STARD13: variants seen among roughly 807,000 people sequenced by gnomAD.
STARD13 encodes stAR-related lipid transfer protein 13.
A neutral mutation model predicts 106.4 loss-of-function variants in STARD13; 62 were observed. That is an observed-to-expected ratio of 0.58 (90% CI 0.48 to 0.72). STARD13 has a LOEUF of 0.72. Among genes scored for constraint, STARD13 ranks in the 30% least tolerant of loss-of-function variants. The pLI, the probability that STARD13 is intolerant of heterozygous loss-of-function variation, is 0.00. For missense variants in STARD13, 1,387 were observed against 1,424.0 expected (o/e 0.97, Z 0.42); for synonymous variants, 565 against 553.0 (o/e 1.02, Z -0.31).
chr13:33,488,111 C>T, the STARD13 span, among the ~76,000 whole-genome samples: 20 of 152,186 alleles, frequency 1.3e-4, no homozygotes, highest in African/African-American at 4.6e-4. Flanking sequence ...TCTTCCTCTG[C>T]CTCTCCCTTA....
the STARD13 span, among the ~76,000 whole-genome samples, chr13:33,589,464 C>T: frequency 6.6e-6 from 1 of 152,202 alleles, no homozygotes; most frequent in East Asian, 1.9e-4. Context: ...CTACACACTG[C>T]TTTAAATGTG....
At chr13:33,459,159 T>G in the STARD13 span, among the ~76,000 whole-genome samples, 1 of 152,194 alleles carries the variant, frequency 6.6e-6, no homozygotes, top group Admixed American at 6.5e-5. Context: ...TATGATGTAC[T>G]ATATCCATGA....
the STARD13 span, among the ~76,000 whole-genome samples, chr13:33,447,106 T>A: frequency 6.6e-6 from 1 of 152,196 alleles, no homozygotes; most frequent in Non-Finnish European, 1.5e-5. Flanking sequence ...GATTATAGAC[T>A]TTTTCTGGAT....
chr13:33,664,124 T>G, the STARD13 span, among the ~76,000 whole-genome samples: 1 of 152,158 alleles, frequency 6.6e-6, no homozygotes, highest in African/African-American at 2.4e-5. Context: ...TCCTTTCCAG[T>G]TGCCACTCAG....
intron 2 of STARD13, 29 bp downstream of exon 2, chr13:33,167,522 T>C (rs1366139716): frequency 1.9e-6 from 3 of 1,610,904 alleles, no homozygotes; most frequent in Non-Finnish European, 2.5e-6. Context: ...TTATTCTCTG[T>C]GTAAGAGCGA....
At chr13:33,159,359 T>C (rs1882362260) in intron 3 of STARD13, among the ~76,000 whole-genome samples, 1 of 152,314 alleles carries the variant, frequency 6.6e-6, no homozygotes, top group Admixed American at 6.5e-5. Flanking sequence ...TGTTAAAGCA[T>C]AGACTTTGAT....
At chr13:33,189,392 G>A (rs1886040792) in intron 1 of STARD13, among the ~76,000 whole-genome samples, 1 of 121,570 alleles carries the variant, frequency 8.2e-6, no homozygotes, top group Admixed American at 1.1e-4. Flanking sequence ...ACAAACCAGA[G>A]AGTCCCTTCC....
At chr13:33,475,606 C>T in the STARD13 span, among the ~76,000 whole-genome samples, 1 of 152,178 alleles carries the variant, frequency 6.6e-6, no homozygotes, top group Non-Finnish European at 1.5e-5. Flanking sequence ...AAATAAAAGA[C>T]TTATTTTTAC....
the STARD13 span, among the ~76,000 whole-genome samples, chr13:33,635,317 A>G: frequency 6.6e-6 from 1 of 152,154 alleles, no homozygotes; most frequent in Non-Finnish European, 1.5e-5. Context: ...TTCCCTAATA[A>G]ATGGAAACTA....
rs752401629 is a variant in STARD13 at position 33,295,711 on chromosome 13, G to C, written c.124+54579C>G. Among the ~76,000 whole-genome samples, 9 of 152,080 alleles carry C rather than the reference G, an allele frequency of 5.9e-5. No individual in the cohort carries two copies. The East Asian group carries it at 1.5e-3, about 26-fold the overall frequency. On this transcript the variant is annotated intron_variant, in intron 1 of 5. Transcript: ENST00000567873. Reference sequence around the variant, plus strand: ...AGGTGTGCAGAGGGTGCCCGGGGGGGGCAGAGGAGAGACGACTAAGTCAGA... The same window carrying C: ...AGGTGTGCAGAGGGTGCCCGGGGGGCGCAGAGGAGAGACGACTAAGTCAGA...
chr13:33,561,504 T>G, the STARD13 span, among the ~76,000 whole-genome samples: 8 of 151,672 alleles, frequency 5.3e-5, no homozygotes, highest in South Asian at 1.7e-3. Context: ...ATTTCTTGTC[T>G]TTTTAAAAAA....
chr13:33,435,272 G>A, the STARD13 span, among the ~76,000 whole-genome samples: 9 of 152,192 alleles, frequency 5.9e-5, no homozygotes, highest in Admixed American at 2.6e-4. Flanking sequence ...TAGGAATGGT[G>A]GATAGAAAAC....
At chr13:33,414,344 G>T in the STARD13 span, among the ~76,000 whole-genome samples, 1 of 152,116 alleles carries the variant, frequency 6.6e-6, no homozygotes, top group East Asian at 1.9e-4. Context: ...ACCTCTACAT[G>T]AATATTTTTA....
the STARD13 span, among the ~76,000 whole-genome samples, chr13:33,497,765 C>T: frequency 2.0e-5 from 3 of 152,140 alleles, no homozygotes; most frequent in African/African-American, 7.2e-5. Flanking sequence ...GTCTAGTGAT[C>T]CCTACTCATT....
At chr13:33,163,216 C>T (rs576694662) in intron 3 of STARD13, among the ~76,000 whole-genome samples, 1 of 152,036 alleles carries the variant, frequency 6.6e-6, no homozygotes, top group African/African-American at 2.4e-5. Context: ...TGGGTCCCTC[C>T]CATAACATGT....
chr13:33,249,442 T>C (rs1889986874), intron 1 of STARD13, among the ~76,000 whole-genome samples: 1 of 152,228 alleles, frequency 6.6e-6, no homozygotes, highest in African/African-American at 2.4e-5. Context: ...ATGCATTTCT[T>C]CCAAGAATTC....
the STARD13 span, among the ~76,000 whole-genome samples, chr13:33,456,764 A>G: frequency 0.02 from 3,097 of 152,296 alleles, 55 homozygotes; most frequent in Non-Finnish European, 0.033. Context: ...GAATACAGGG[A>G]CAAGGTGCCA....
chr13:33,295,059 C>T (rs1232776384), intron 1 of STARD13, among the ~76,000 whole-genome samples: 1 of 151,986 alleles, frequency 6.6e-6, no homozygotes, highest in East Asian at 1.9e-4. Flanking sequence ...GAGTATGGCC[C>T]ACGACTGTGG....
intron 1 of STARD13, among the ~76,000 whole-genome samples, chr13:33,245,759 T>C (rs1889792877): frequency 6.6e-6 from 1 of 152,234 alleles, no homozygotes; most frequent in African/African-American, 2.4e-5. Context: ...TGTCATTCTG[T>C]CCTATTGGAA....
Sources: gnomAD v4.1 joint callset for allele counts (sites outside exome capture counted in the v4.1 genomes callset) on GRCh38, gnomAD v4.1.1 for gene constraint, MANE v1.5 for transcripts, NCBI Gene and HGNC (gene_info 2026-07-23, HGNC 2026-07-21) for gene names.